The following GPHN variants were observed in gnomAD, a reference collection of about 807,000 sequenced individuals.
GPHN encodes gephyrin.
GPHN carries 17 observed loss-of-function variants against 95.5 expected under a neutral mutation model. That is an observed-to-expected ratio of 0.18 (90% CI 0.12 to 0.27). The LOEUF (loss-of-function observed/expected upper bound fraction) is 0.27, where lower values mean the gene tolerates loss of function less well. GPHN is among the 10% of genes least tolerant of loss of function. The pLI is 1.00. For missense variants in GPHN, 660 were observed against 978.1 expected, an observed-to-expected ratio of 0.67 and a Z score of 4.34; for synonymous variants, 320 against 322.5, an observed-to-expected ratio of 0.99 and a Z score of 0.08.
the GPHN span, among the ~76,000 whole-genome samples, chr14:67,469,246 A>G: frequency 6.6e-6 from 1 of 152,186 alleles, no homozygotes; most frequent in Non-Finnish European, 1.5e-5. Context: ...TCTATAACCC[A>G]GCTGTGACAG....
chr14:67,028,061 C>T (rs1316798523), intron 10 of GPHN, among the ~76,000 whole-genome samples: 1 of 152,094 alleles, frequency 6.6e-6, no homozygotes, highest in African/African-American at 2.4e-5. Context: ...CTGATAATAT[C>T]ACTCTGCTCA....
chr14:67,210,549 G>A, the GPHN span, among the ~76,000 whole-genome samples: 53 of 152,314 alleles, frequency 3.5e-4, no homozygotes, highest in African/African-American at 1.2e-3. Flanking sequence ...AGTCTGGGAA[G>A]AAACCACAGT....
intron 13 of GPHN, among the ~76,000 whole-genome samples, chr14:67,103,428 C>T (rs948221453): frequency 6.8e-6 from 1 of 147,496 alleles, no homozygotes; most frequent in Non-Finnish European, 1.5e-5. Flanking sequence ...TGCAATGAAT[C>T]TGTAGATCGC....
At chr14:67,419,405 C>T in the GPHN span, among the ~76,000 whole-genome samples, 1 of 152,142 alleles carries the variant, frequency 6.6e-6, no homozygotes, top group African/African-American at 2.4e-5. Context: ...CCAGCCCTAC[C>T]TAAGAGCACC....
At chr14:67,221,933 T>G in the GPHN span, 1 of 1,170,916 alleles carries the variant, frequency 8.5e-7, no homozygotes, top group Admixed American at 2.4e-5. Flanking sequence ...TGCATTTCCT[T>G]TCTTCACTAT....
chr14:66,578,305 GTC>G (rs1566634621), intron 1 of GPHN, among the ~76,000 whole-genome samples: 3 of 151,686 alleles, frequency 2.0e-5, no homozygotes, highest in Non-Finnish European at 4.4e-5. Context: ...GAGTGAGAAA[GTC>G]TGTGAGAATT....
chr14:67,274,762 T>C, the GPHN span, among the ~76,000 whole-genome samples: 1 of 152,226 alleles, frequency 6.6e-6, no homozygotes, highest in Non-Finnish European at 1.5e-5. Flanking sequence ...GAGCATGGAA[T>C]GTTCTTCCAT....
intron 3 of GPHN, among the ~76,000 whole-genome samples, chr14:66,779,006 AG>A (rs1276955041): frequency 6.6e-6 from 1 of 152,034 alleles, no homozygotes; most frequent in Non-Finnish European, 1.5e-5. Context: ...GGCCTCCCAA[AG>A]TGCTGGGATT....
chr14:66,520,070 CTTTAATG>C (rs1418089508), intron 1 of GPHN, among the ~76,000 whole-genome samples: 1 of 152,094 alleles, frequency 6.6e-6, no homozygotes, highest in Non-Finnish European at 1.5e-5. Context: ...ACATATTTCA[CTTTAATG>C]GGTCTTACTG....
At chr14:67,121,940 A>G (rs2079032120) in intron 16 of GPHN, among the ~76,000 whole-genome samples, 2 of 152,184 alleles carry the variant, frequency 1.3e-5, no homozygotes, top group East Asian at 1.9e-4. Flanking sequence ...AGAAAAAAAG[A>G]TAATTGTTTT....
At chr14:67,061,300 C>G (rs1273380387) in intron 11 of GPHN, among the ~76,000 whole-genome samples, 1 of 152,170 alleles carries the variant, frequency 6.6e-6, no homozygotes, top group Non-Finnish European at 1.5e-5. Flanking sequence ...CTCGACCTCT[C>G]AAAGTGCTCA....
chr14:66,799,533 C>A (rs1044014576), intron 3 of GPHN, among the ~76,000 whole-genome samples: 11 of 151,914 alleles, frequency 7.2e-5, no homozygotes, highest in Admixed American at 5.9e-4. Flanking sequence ...ATATCCTCTT[C>A]CTGAATTGAC....
chr14:67,113,232 C>T (rs2078481051), intron 16 of GPHN, 61 bp downstream of exon 16: 3 of 1,383,162 alleles, frequency 2.2e-6, no homozygotes, highest in Admixed American at 3.4e-5. Context: ...GTATTTCTGA[C>T]ATATGTTCTG....
chr14:67,602,729 C>G, the GPHN span, among the ~76,000 whole-genome samples: 3 of 152,062 alleles, frequency 2.0e-5, no homozygotes, highest in African/African-American at 4.8e-5. Flanking sequence ...ATTTTTGTCA[C>G]TGACAGAAAT....
chr14:66,813,935 C>T (rs72728673), intron 3 of GPHN, among the ~76,000 whole-genome samples: 3,735 of 152,226 alleles, frequency 0.025, 71 homozygotes, highest in Non-Finnish European at 0.036. Context: ...TAGAGAGTTT[C>T]GATGAGGCAT....
chr14:67,006,058 C>T (rs1047789491), intron 9 of GPHN, among the ~76,000 whole-genome samples: 1 of 124,594 alleles, frequency 8.0e-6, no homozygotes, highest in Non-Finnish European at 1.5e-5. Flanking sequence ...AGGCAATTAC[C>T]ATAGTTTTTC....
At chr14:67,144,244 A>ATATATAT (rs1222844885) in intron 18 of GPHN, among the ~76,000 whole-genome samples, 2 of 67,636 alleles carry the variant, frequency 3.0e-5, no homozygotes, top group Admixed American at 2.2e-4. Flanking sequence ...CTTAAAAAAA[A>ATATATAT]AAAAAAATAT....
chr14:66,708,888 A>G (rs2069349829), intron 2 of GPHN, among the ~76,000 whole-genome samples: 1 of 152,138 alleles, frequency 6.6e-6, no homozygotes, highest in African/African-American at 2.4e-5. Flanking sequence ...ATATTGTAAA[A>G]CTAATTTTAG....
At chr14:67,665,338 C>A in the GPHN span, among the ~76,000 whole-genome samples, 3 of 149,256 alleles carry the variant, frequency 2.0e-5, no homozygotes, top group Admixed American at 2.0e-4. Context: ...GCAGCCTCGA[C>A]CTCCCAGGCT....
Sources: allele counts gnomAD v4.1 joint callset (sites outside exome capture counted in the v4.1 genomes callset), GRCh38; gene constraint gnomAD v4.1.1; transcripts MANE v1.5; gene names NCBI Gene and HGNC (gene_info 2026-07-23, HGNC 2026-07-21).